Variants in SLC35F5 observed in about 807,000 individuals in gnomAD.
SLC35F5 encodes solute carrier family 35 member F5.
A neutral mutation model predicts 68.6 loss-of-function variants in SLC35F5; 54 were observed. The ratio of observed to expected loss-of-function variants is 0.79; its 90% CI spans 0.63 to 0.99. SLC35F5 has a LOEUF of 0.99. Among genes scored for constraint, SLC35F5 ranks in the 50% least tolerant of loss-of-function variants. SLC35F5 has a pLI of 0.00. For synonymous variants in SLC35F5, 211 were observed against 205.2 expected, an observed-to-expected ratio of 1.03 and a Z score of -0.24; for missense variants, 567 against 626.9, an observed-to-expected ratio of 0.90 and a Z score of 1.02.
intron 5 of SLC35F5, among the ~76,000 whole-genome samples, chr2:113,744,381 C>T (rs1676401450): frequency 6.6e-6 from 1 of 152,114 alleles, no homozygotes; most frequent in African/African-American, 2.4e-5. Flanking sequence ...TACTACTTAC[C>T]AGTTCTTACT....
chr2:113,752,989 GA>G (rs897453002), intron 3 of SLC35F5, among the ~76,000 whole-genome samples: 3 of 151,876 alleles, frequency 2.0e-5, no homozygotes, highest in Non-Finnish European at 4.4e-5. Flanking sequence ...AATGCTCCAG[GA>G]AAAAAAGTTT....
At chr2:113,753,954 T>C (rs1361813240) in intron 3 of SLC35F5, among the ~76,000 whole-genome samples, 1 of 152,102 alleles carries the variant, frequency 6.6e-6, no homozygotes, top group Non-Finnish European at 1.5e-5. Flanking sequence ...GCAAAAAATA[T>C]ATGGTCTATT....
chr2:113,706,603 G>A (rs973965130), downstream of SLC35F5, among the ~76,000 whole-genome samples: 2 of 152,210 alleles, frequency 1.3e-5, no homozygotes, highest in Non-Finnish European at 2.9e-5. Context: ...ACATGCATAA[G>A]ATGCAACTCA....
intron 3 of SLC35F5, 30 bp downstream of exon 3, chr2:113,755,135 T>A: frequency 6.2e-7 from 1 of 1,606,624 alleles, no homozygotes; most frequent in South Asian, 1.1e-5. Flanking sequence ...GGCTGTAATG[T>A]AACATCATTC....
intron 1 of SLC35F5, chr2:113,755,763 G>T: frequency 2.4e-6 from 3 of 1,262,124 alleles, no homozygotes; most frequent in South Asian, 2.6e-5. Context: ...GGGCAGGGAG[G>T]GGGAGTAATA....
chr2:113,729,018 C>G (rs940713795), intron 11 of SLC35F5, among the ~76,000 whole-genome samples: 2 of 152,176 alleles, frequency 1.3e-5, no homozygotes, highest in Non-Finnish European at 2.9e-5. Flanking sequence ...AATTCGGGGG[C>G]AGTCTCCCCA....
At chr2:113,740,307 C>T (rs1676208139) in intron 7 of SLC35F5, among the ~76,000 whole-genome samples, 1 of 152,100 alleles carries the variant, frequency 6.6e-6, no homozygotes, top group Non-Finnish European at 1.5e-5. Flanking sequence ...GGCAGAAAGG[C>T]AGGGAGGCAA....
chr2:113,728,165 A>G (rs995990361), intron 11 of SLC35F5, among the ~76,000 whole-genome samples: 2 of 152,266 alleles, frequency 1.3e-5, no homozygotes, highest in Admixed American at 6.5e-5. Context: ...CTATTATGCT[A>G]TATTTCTTGA....
intron 13 of SLC35F5, among the ~76,000 whole-genome samples, chr2:113,721,819 G>A: frequency 8.7e-6 from 1 of 114,760 alleles, no homozygotes; most frequent in South Asian, 2.6e-4. Context: ...TGCAAGTTAT[G>A]TAAGATAATT....
In SLC35F5 at chr2:113,710,745, G is replaced by A. The variant is rs1488923578; in HGVS notation, c.*4473C>T. Among the ~76,000 whole-genome samples the A allele has an allele frequency of 6.6e-6, 1 of 151,750 alleles. No homozygotes were observed. The highest frequency in any genetic ancestry group is 1.9e-4 in the East Asian group (1 of 5,182). ...AGATCCTGCCACTGCACTCCAGCCT[G>A]GGTGACAGAGTGAGACCCCATCTCA... On this transcript the variant is annotated 3_prime_UTR_variant, in exon 16 of 16. Coordinates refer to ENST00000245680, the MANE Select transcript of SLC35F5 (RefSeq NM_025181.5).
At chr2:113,734,059 T>C (rs4848343) in intron 9 of SLC35F5, among the ~76,000 whole-genome samples, 107,742 of 152,190 alleles carry the variant, frequency 0.71, 38,745 homozygotes, top group Middle Eastern at 0.82. Context: ...CAAACATACA[T>C]AAAGTTAAAT....
chr2:113,738,309 T>C (rs1688166015), intron 7 of SLC35F5, among the ~76,000 whole-genome samples: 1 of 152,214 alleles, frequency 6.6e-6, no homozygotes, highest in Non-Finnish European at 1.5e-5. Context: ...CCTTCTTTTT[T>C]AGATTCTACA....
At chr2:113,726,131 G>A (rs1187670912) in intron 11 of SLC35F5, among the ~76,000 whole-genome samples, 2 of 152,184 alleles carry the variant, frequency 1.3e-5, no homozygotes, top group African/African-American at 4.8e-5. Flanking sequence ...TCGGCCATCT[G>A]ACTGCCTGGG....
Position 113,756,615 on chromosome 2 carries a change from A to G in SLC35F5, c.-206T>C. On this transcript the variant is annotated 5_prime_UTR_variant, in exon 1 of 16. Coordinates refer to ENST00000245680, the MANE Select transcript of SLC35F5 (RefSeq NM_025181.5). Reference sequence around the variant, plus strand: ...GGTGAGGGGAAGGGACGGCACAGTCAGCTATGGCCGCGGAGGCCCGGAGAT... The same window carrying G: ...GGTGAGGGGAAGGGACGGCACAGTCGGCTATGGCCGCGGAGGCCCGGAGAT... 4.5e-6 allele frequency: 6 copies of G among 1,347,400 alleles called. No individual in the cohort carries two copies. The highest frequency in any genetic ancestry group is 1.6e-5 in the South Asian group (1 of 63,670). 83.5% of individuals were successfully genotyped at this position (1,347,400 alleles called of 1,614,324 possible).
chr2:113,737,341 T>C (rs1688131120), intron 7 of SLC35F5, among the ~76,000 whole-genome samples: 1 of 152,246 alleles, frequency 6.6e-6, no homozygotes. Flanking sequence ...AATGAAACTG[T>C]GGCAACGTGG....
Position 113,756,290 on chromosome 2 carries a change from G to A in SLC35F5, c.40+80C>T, listed in dbSNP as rs548614098. ...TCAAGGCGCTCCTGCTGCCACCGAG[G>A]GCAGGAGGTGGTGCTGCTGGTGGGC... On this transcript the variant is annotated intron_variant, in intron 1 of 15. Transcript: ENST00000245680. 16 of 1,546,532 alleles carry A rather than the reference G, an allele frequency of 1.0e-5. No homozygotes were observed. In the African/African-American group the frequency reaches 2.2e-4, roughly 21 times the overall value.
chr2:113,719,898 T>C (rs1025608370), intron 13 of SLC35F5, among the ~76,000 whole-genome samples: 8 of 151,830 alleles, frequency 5.3e-5, no homozygotes, highest in South Asian at 4.1e-4. Context: ...TATAGAAATA[T>C]TTTTACTAAG....
chr2:113,729,478 A>G lies in SLC35F5; in HGVS notation c.1013T>C (p.Met338Thr), dbSNP rs755585788. 5.0e-6 allele frequency: 8 copies of G among 1,594,570 alleles called. No individual in the cohort carries two copies. The East Asian group carries it at 1.8e-4, about 36-fold the overall frequency. Residue 338 changes from methionine (M) to threonine (T), a missense_variant, in exon 11 of 16, where the codon ATG becomes ACG. Met to Thr is a moderately conservative substitution (Grantham distance 81). Coordinates refer to ENST00000245680, the MANE Select transcript of SLC35F5 (RefSeq NM_025181.5). ...VGSIWSLAGA[M>T]LYAVYIVMIK... ...CATAACAATATAGACAGCATAGAGCATGGCTCCAGCAAGAGACCAAATGGA... is the reference window on the plus strand; with the variant it reads ...CATAACAATATAGACAGCATAGAGCGTGGCTCCAGCAAGAGACCAAATGGA...
intron 7 of SLC35F5, chr2:113,742,180 A>G (rs887126987): frequency 1.3e-5 from 2 of 152,786 alleles, no homozygotes; most frequent in African/African-American, 4.8e-5. Flanking sequence ...TTCAGTTTCT[A>G]TCTTTAAAAA....
Sources: allele counts gnomAD v4.1 joint callset (sites outside exome capture counted in the v4.1 genomes callset), GRCh38; gene constraint gnomAD v4.1.1; transcripts MANE v1.5; gene names NCBI Gene and HGNC (gene_info 2026-07-23, HGNC 2026-07-21).